The following WDPCP variants were observed in gnomAD, a reference collection of about 807,000 sequenced individuals.
The protein encoded by WDPCP is WD repeat containing planar cell polarity effector.
WDPCP carries 71 observed loss-of-function variants against 93.1 expected under a neutral mutation model. The observed-to-expected ratio is 0.76, with a 90% CI of 0.63 to 0.93. WDPCP has a LOEUF of 0.93. Ranked by LOEUF, WDPCP falls within the 40% of genes least tolerant of loss-of-function variation. The pLI, the probability that WDPCP is intolerant of heterozygous loss-of-function variation, is 0.00. For synonymous variants in WDPCP, 315 were observed against 315.0 expected, an observed-to-expected ratio of 1.00 and a Z score of 0.00; for missense variants, 844 against 887.4, an observed-to-expected ratio of 0.95 and a Z score of 0.62.
chr2:63,262,208 T>C (rs901012519), intron 13 of WDPCP, among the ~76,000 whole-genome samples: 4 of 152,182 alleles, frequency 2.6e-5, no homozygotes, highest in African/African-American at 9.6e-5. Flanking sequence ...CCCTGTTTTC[T>C]GTTCTTTGAT....
At chr2:63,334,946 A>G (rs890874965) in intron 12 of WDPCP, among the ~76,000 whole-genome samples, 2 of 152,202 alleles carry the variant, frequency 1.3e-5, no homozygotes, top group Non-Finnish European at 2.9e-5. Flanking sequence ...CTGACAATGT[A>G]AATTGATAGC....
intron 6 of WDPCP, among the ~76,000 whole-genome samples, chr2:63,458,066 G>A (rs1303070454): frequency 6.7e-6 from 1 of 150,112 alleles, no homozygotes; most frequent in East Asian, 2.0e-4. Flanking sequence ...CAAGGTTGCA[G>A]TAAGCCGAGA....
chr2:63,378,507 G>A lies in WDPCP; in HGVS notation c.1627C>T (p.Gln543Ter). 1 of 1,613,044 alleles carries A rather than the reference G, an allele frequency of 6.2e-7. No homozygotes were observed. Among genetic ancestry groups the A allele is most frequent in the Non-Finnish European group, 8.5e-7 (1 of 1,179,292 alleles). ...RQKLTPEREA[Q>*]LETSLGTFYA... is the part of the protein sequence containing the mutation. Reference sequence around the variant, plus strand: ...AAGGTTCCAAGGCTTGTCTCAAGCTGTGCTGTGGAATTCAAACATAGCAGC... The same window carrying A: ...AAGGTTCCAAGGCTTGTCTCAAGCTATGCTGTGGAATTCAAACATAGCAGC... Residue 543 changes from glutamine (Q) to a stop codon, truncating the protein, a stop_gained and splice_region_variant, in exon 12 of 18, where the codon CAG becomes TAG. Coordinates refer to ENST00000272321, the MANE Select transcript of WDPCP (RefSeq NM_015910.7). LOFTEE classifies it high-confidence loss of function.
chr2:63,630,335 A>G (rs1709851937), intron 3 of WDPCP, among the ~76,000 whole-genome samples: 1 of 152,236 alleles, frequency 6.6e-6, no homozygotes, highest in Admixed American at 6.5e-5. Flanking sequence ...GTTAAAAGAC[A>G]GATTGAAAGA....
chr2:63,639,463 T>C (rs956473981), intron 3 of WDPCP, among the ~76,000 whole-genome samples: 6 of 152,152 alleles, frequency 3.9e-5, no homozygotes, highest in Admixed American at 6.5e-5. Context: ...TTATTTCTTA[T>C]AGTTCTAGAG....
chr2:63,558,523 G>A (rs1254466794), intron 1 of WDPCP, among the ~76,000 whole-genome samples: 1 of 88,296 alleles, frequency 1.1e-5, no homozygotes, highest in Non-Finnish European at 2.1e-5. Context: ...GTGAGACTCT[G>A]TCTCAAAAAA....
At chr2:63,413,949 C>G (rs575013009) in intron 9 of WDPCP, among the ~76,000 whole-genome samples, 2 of 151,586 alleles carry the variant, frequency 1.3e-5, no homozygotes, top group South Asian at 2.1e-4. Context: ...GGATTAATAT[C>G]TAGAATCTAC....
chr2:63,629,600 C>T (rs1224356310), intron 3 of WDPCP, among the ~76,000 whole-genome samples: 1 of 152,154 alleles, frequency 6.6e-6, no homozygotes, highest in Admixed American at 6.5e-5. Context: ...GGAGGCCATG[C>T]GGGAAGCAAT....
chr2:63,336,848 C>G (rs979258351), intron 12 of WDPCP, among the ~76,000 whole-genome samples: 5 of 150,586 alleles, frequency 3.3e-5, no homozygotes, highest in Non-Finnish European at 7.4e-5. Context: ...CTTACCCTTC[C>G]TGGCCTCTGG....
intron 3 of WDPCP, chr2:63,622,765 A>G (rs1709760106): frequency 6.2e-7 from 1 of 1,612,850 alleles, no homozygotes; most frequent in Non-Finnish European, 8.5e-7. Context: ...TACCGCTGCC[A>G]GAAGGCGGCG....
chr2:63,455,974 A>G (rs1184928591), intron 6 of WDPCP, among the ~76,000 whole-genome samples: 1 of 152,254 alleles, frequency 6.6e-6, no homozygotes, highest in Non-Finnish European at 1.5e-5. Flanking sequence ...CATATCACAT[A>G]TATTCTCAGA....
chr2:63,622,990 C>T (rs1007273513), intron 3 of WDPCP, among the ~76,000 whole-genome samples: 2 of 152,230 alleles, frequency 1.3e-5, no homozygotes, highest in African/African-American at 4.8e-5. Context: ...CTGCCGCCGC[C>T]ATGAGTTGTC....
At chr2:63,387,197 C>G (rs755858585) in intron 10 of WDPCP, among the ~76,000 whole-genome samples, 1 of 152,070 alleles carries the variant, frequency 6.6e-6, no homozygotes, top group African/African-American at 2.4e-5. Flanking sequence ...AAACTTATGG[C>G]CAATATCCTT....
rs1390399493 is a variant in WDPCP at position 63,434,366 on chromosome 2, A to G, written c.634-430T>C. Among the ~76,000 whole-genome samples the G allele has an allele frequency of 3.3e-5, 5 of 152,178 alleles. No homozygotes were observed. In the East Asian group the frequency reaches 9.6e-4, roughly 29 times the overall value. Reference sequence around the variant, plus strand: ...ATGACTGACAACAAAAAAAGGAAAAACAACTTGAGGCAAATATCTCTTTAA... The same window carrying G: ...ATGACTGACAACAAAAAAAGGAAAAGCAACTTGAGGCAAATATCTCTTTAA... On this transcript the variant is annotated intron_variant, in intron 8 of 17. Transcript: ENST00000272321.
intron 1 of WDPCP, among the ~76,000 whole-genome samples, chr2:63,548,214 A>G (rs1288728595): frequency 6.6e-6 from 1 of 152,108 alleles, no homozygotes; most frequent in Non-Finnish European, 1.5e-5. Flanking sequence ...CAAAGACTGA[A>G]AGTAAGAAGG....
chr2:63,481,730 G>A (rs1038057614), intron 6 of WDPCP, among the ~76,000 whole-genome samples: 3 of 151,656 alleles, frequency 2.0e-5, no homozygotes, highest in African/African-American at 7.3e-5. Flanking sequence ...TGGACTTTGG[G>A]GACTCACAGG....
chr2:63,534,528 C>T (rs1256723114), intron 1 of WDPCP, among the ~76,000 whole-genome samples: 1 of 152,204 alleles, frequency 6.6e-6, no homozygotes, highest in African/African-American at 2.4e-5. Flanking sequence ...AAGTCAGCTT[C>T]ATCCCTGGGA....
At chr2:63,602,018 C>T (rs76354564) in intron 3 of WDPCP, among the ~76,000 whole-genome samples, 1 of 152,330 alleles carries the variant, frequency 6.6e-6, no homozygotes, top group African/African-American at 2.4e-5. Flanking sequence ...AGATCAATAG[C>T]TGGGTACCCC....
rs1247576897 is a variant in WDPCP, at chr2:63,449,645, C to T, written c.385-9774G>A. 2.0e-5 allele frequency among the ~76,000 whole-genome samples: 3 copies of T among 152,178 alleles called. No homozygotes were observed. In the East Asian group the frequency reaches 5.8e-4, roughly 29 times the overall value. Reference sequence around the variant, plus strand: ...AACCACAAGAGACCTCCTCTACCCACACAAACCCCGACATTAGCATGGTGT... The same window carrying T: ...AACCACAAGAGACCTCCTCTACCCATACAAACCCCGACATTAGCATGGTGT... On this transcript the variant is annotated intron_variant, in intron 6 of 17. Coordinates refer to ENST00000272321, the MANE Select transcript of WDPCP (RefSeq NM_015910.7).
Sources: allele counts gnomAD v4.1 joint callset (sites outside exome capture counted in the v4.1 genomes callset), GRCh38; gene constraint gnomAD v4.1.1; transcripts MANE v1.5; gene names NCBI Gene and HGNC (gene_info 2026-07-23, HGNC 2026-07-21).